Variants in ASPH observed in about 807,000 individuals in gnomAD.
The protein encoded by ASPH is aspartyl/asparaginyl beta-hydroxylase.
A neutral mutation model predicts 118.4 loss-of-function variants in ASPH; 100 were observed. The ratio of observed to expected loss-of-function variants is 0.84; its 90% CI spans 0.72 to 1.00. The LOEUF (loss-of-function observed/expected upper bound fraction) is 1.00, where lower values mean the gene tolerates loss of function less well. Ranked by LOEUF, ASPH falls within the 50% of genes least tolerant of loss-of-function variation. The pLI, the probability that ASPH is intolerant of heterozygous loss-of-function variation, is 0.00. For synonymous variants in ASPH, 315 were observed against 325.6 expected (o/e 0.97, Z 0.35); for missense variants, 920 against 919.5 (o/e 1.00, Z -0.01).
In ASPH at chr8:61,651,049, C is replaced by T. The variant is rs1280788828; in HGVS notation, c.490+1G>A. 1.2e-6 allele frequency: 2 copies of T among 1,609,698 alleles called. No individual in the cohort carries two copies. The highest frequency in any genetic ancestry group is 1.7e-6 in the Non-Finnish European group (2 of 1,178,006). ...AACAAAGAGCAGATTTTAATTCATA[C>T]CATGTTCTGCGTGTACCATTTCATG... On this transcript the variant is annotated splice_donor_variant, in intron 5 of 24. Coordinates refer to ENST00000379454, the MANE Select transcript of ASPH (RefSeq NM_004318.4). LOFTEE classifies it high-confidence loss of function.
intron 1 of ASPH, among the ~76,000 whole-genome samples, chr8:61,692,934 T>C (rs1832980138): frequency 7.4e-6 from 1 of 135,474 alleles, no homozygotes; most frequent in Non-Finnish European, 1.6e-5. Flanking sequence ...ATCATTTCCT[T>C]ACCCACCAGA....
At chr8:61,591,643 T>C (rs1841171933) in intron 14 of ASPH, among the ~76,000 whole-genome samples, 1 of 152,176 alleles carries the variant, frequency 6.6e-6, no homozygotes, top group African/African-American at 2.4e-5. Context: ...CTTAATGCCT[T>C]AGCCAATTCT....
At chr8:61,693,623 C>T (rs560677038) in intron 1 of ASPH, among the ~76,000 whole-genome samples, 1 of 152,092 alleles carries the variant, frequency 6.6e-6, no homozygotes, top group African/African-American at 2.4e-5. Flanking sequence ...GCCACCTCCA[C>T]ATGCAAGGGT....
At chr8:61,545,960 T>A (rs920029492) in intron 21 of ASPH, among the ~76,000 whole-genome samples, 2 of 152,214 alleles carry the variant, frequency 1.3e-5, no homozygotes, top group Admixed American at 1.3e-4. Context: ...TCTCTCCTCC[T>A]GGAAGCTGGC....
intron 3 of ASPH, chr8:61,659,251 G>A (rs1314166535): frequency 6.6e-6 from 1 of 152,192 alleles, no homozygotes; most frequent in Non-Finnish European, 1.5e-5. Flanking sequence ...TATCCCCCAT[G>A]CCTTGCCCAG....
chr8:61,568,512 T>C (rs767601882), intron 16 of ASPH, among the ~76,000 whole-genome samples: 1 of 152,180 alleles, frequency 6.6e-6, no homozygotes, highest in African/African-American at 2.4e-5. Flanking sequence ...GAGATTTGTT[T>C]TGGACATATT....
chr8:61,587,698 G>A (rs990258675), intron 14 of ASPH, among the ~76,000 whole-genome samples: 10 of 152,146 alleles, frequency 6.6e-5, no homozygotes, highest in Non-Finnish European at 1.3e-4. Flanking sequence ...ATGCCACCAT[G>A]TTCTATCTTT....
chr8:61,639,950 A>C (rs1041272842), intron 10 of ASPH, among the ~76,000 whole-genome samples: 1 of 152,090 alleles, frequency 6.6e-6, no homozygotes, highest in Non-Finnish European at 1.5e-5. Flanking sequence ...ATGCATGAAG[A>C]CCTGCCAATT....
intron 1 of ASPH, chr8:61,689,831 A>T: frequency 7.1e-7 from 1 of 1,413,008 alleles, no homozygotes; most frequent in Non-Finnish European, 9.3e-7. Flanking sequence ...CTGCACTGTA[A>T]GGGCCTCTAG....
chr8:61,565,376 G>C (rs978380719), intron 17 of ASPH, among the ~76,000 whole-genome samples: 13 of 152,056 alleles, frequency 8.5e-5, no homozygotes, highest in Non-Finnish European at 1.5e-4. Context: ...CTATAGTTAA[G>C]GAAGAAAAGA....
intron 15 of ASPH, chr8:61,583,221 A>C (rs1838139200): frequency 6.6e-6 from 1 of 150,840 alleles, no homozygotes; most frequent in Non-Finnish European, 1.5e-5. Context: ...ATAAAATTAA[A>C]AACTTGCACT....
At chr8:61,623,346 CTTCTT>C (rs1391021150) in intron 13 of ASPH, among the ~76,000 whole-genome samples, 1 of 152,102 alleles carries the variant, frequency 6.6e-6, no homozygotes, top group African/African-American at 2.4e-5. Flanking sequence ...ATTTTTATGT[CTTCTT>C]TTGAGAATTC....
intron 9 of ASPH, 44 bp downstream of exon 9, chr8:61,643,342 T>C: frequency 6.4e-7 from 1 of 1,566,306 alleles, no homozygotes. Flanking sequence ...GATTGAAAAA[T>C]CTAAGGTAAT....
intron 24 of ASPH, among the ~76,000 whole-genome samples, chr8:61,506,126 G>A (rs1191270527): frequency 6.6e-6 from 1 of 152,190 alleles, no homozygotes; most frequent in Non-Finnish European, 1.5e-5. Flanking sequence ...ACATACAATG[G>A]AATATTAATT....
At position 61,687,057 on chromosome 8, in the gene ASPH, C is replaced by A. The variant is rs539091180; in HGVS notation, c.104-2869G>T. Among the ~76,000 whole-genome samples, 455 of 152,042 alleles carry A rather than the reference C, an allele frequency of 3.0e-3. 6 individuals are homozygous for A. The highest frequency in any genetic ancestry group is 0.01 in the African/African-American group (422 of 41,462). On this transcript the variant is annotated intron_variant, in intron 1 of 24. Transcript: ENST00000379454. ...AGTGAGCTATGATTGCACCATTATA[C>A]TCCAGCCTGGGCAACAAAGCAAGAC...
At chr8:61,626,110 T>C (rs1247722819) in intron 13 of ASPH, 1 of 1,249,448 alleles carries the variant, frequency 8.0e-7, no homozygotes, top group Non-Finnish European at 1.0e-6. Context: ...AAAAATACAC[T>C]AAAATGCCAG....
intron 24 of ASPH, among the ~76,000 whole-genome samples, chr8:61,513,982 A>G (rs1269735722): frequency 6.6e-6 from 1 of 151,532 alleles, no homozygotes; most frequent in Non-Finnish European, 1.5e-5. Context: ...TCCCAGCATC[A>G]CTCCTGCATT....
Position 61,500,626 on chromosome 8 carries a change from A to AAATC in ASPH, c.*2729_*2732dup, listed in dbSNP as rs1233157860. ...GAGTCCCCAACTACTCATTCAAAAG[A>AAATC]AATCAGACATAAAATAAACAGACAT... On this transcript the variant is annotated 3_prime_UTR_variant, in exon 25 of 25. Transcript: ENST00000379454. 2 of 141,014 alleles carry AAATC rather than the reference A, an allele frequency of 1.4e-5. No homozygotes were observed. The highest frequency in any genetic ancestry group is 3.0e-5 in the Non-Finnish European group (2 of 66,960). The allele number at this position is 141,014 out of a possible 1,614,324, so 8.7% of individuals were successfully genotyped here. A position where few individuals can be genotyped will look rare whatever the true frequency, so the allele number is the denominator to read the frequency against.
intron 21 of ASPH, among the ~76,000 whole-genome samples, chr8:61,542,012 T>C (rs1034258889): frequency 6.6e-6 from 1 of 152,234 alleles, no homozygotes; most frequent in Admixed American, 6.5e-5. Flanking sequence ...GGAGAGCTTT[T>C]AGTTGATGGT....
Sources: gnomAD v4.1 joint callset for allele counts (sites outside exome capture counted in the v4.1 genomes callset) on GRCh38, gnomAD v4.1.1 for gene constraint, MANE v1.5 for transcripts, NCBI Gene and HGNC (gene_info 2026-07-23, HGNC 2026-07-21) for gene names.